The following SCAF1 variants were observed in gnomAD, a reference collection of about 807,000 sequenced individuals.
The protein encoded by SCAF1 is SR-related CTD associated factor 1.
Under a neutral mutation model 91.2 loss-of-function variants are expected in SCAF1, and 28 were observed. The observed-to-expected ratio is 0.31, with a 90% CI of 0.23 to 0.42. The LOEUF (loss-of-function observed/expected upper bound fraction) is 0.42, where lower values mean the gene tolerates loss of function less well. SCAF1 is among the 10% of genes least tolerant of loss of function. The probability of loss-of-function intolerance (pLI) is 1.00; values close to 1 mark genes in which losing one functional copy is unlikely to be tolerated. For synonymous variants in SCAF1, 1,036 were observed against 833.7 expected (o/e 1.24, Z -4.18); for missense variants, 1,893 against 1,872.1 (o/e 1.01, Z -0.21).
rs1184305062 is a variant in SCAF1, at chr19:49,652,221, G to C, written c.1832G>C (p.Arg611Pro). 1.0e-5 allele frequency: 14 copies of C among 1,343,122 alleles called. No homozygotes were observed. The highest frequency in any genetic ancestry group is 3.2e-5 in the East Asian group (1 of 31,690). The allele number at this position is 1,343,122 out of a possible 1,614,324, so 83.2% of individuals were successfully genotyped here. The change falls in exon 7 of 11, where the codon CGC becomes CCC. Residue 611 changes from arginine (R) to proline (P), a missense_variant. Coordinates refer to ENST00000360565, the MANE Select transcript of SCAF1 (RefSeq NM_021228.3). ...RSREKRRRRRRSASPPPATSS... is the reference protein window; with the variant it reads ...RSREKRRRRRPSASPPPATSS... ...CGGGAGAAGCGGCGACGGCGGCGGC[G>C]CTCCGCCTCCCCGCCCCCGGCCACT...
chr19:49,655,656 G>A (rs10415600), intron 9 of SCAF1, among the ~76,000 whole-genome samples: 56,699 of 151,936 alleles, frequency 0.37, 13,075 homozygotes, highest in African/African-American at 0.66. Context: ...GTGAGCCACC[G>A]TGCCCGGCCT....
Position 49,651,508 on chromosome 19 carries a change from C to T in SCAF1, c.1119C>T (p.Thr373=), listed in dbSNP as rs1206407666. The change falls in exon 7 of 11, where the codon ACC becomes ACT. Residue 373 remains threonine, a synonymous_variant. Transcript: ENST00000360565. The part of the protein sequence containing the change: ...REGKVSVEVV[T]AGGAALPPPL... ...GCAAGGTCTCGGTGGAGGTGGTGAC[C>T]GCTGGTGGAGCCGCCCTCCCGCCGC... 2 of 1,574,056 alleles carry T rather than the reference C, an allele frequency of 1.3e-6. No individual in the cohort carries two copies. The highest frequency in any genetic ancestry group is 2.3e-5 in the South Asian group (2 of 86,628).
rs1171439450 is a variant in SCAF1 at position 49,653,088 on chromosome 19, C to T, written c.2699C>T (p.Thr900Ile). 6.2e-7 allele frequency: 1 copy of T among 1,613,246 alleles called. No individual in the cohort carries two copies. Among genetic ancestry groups the T allele is most frequent in the Non-Finnish European group, 8.5e-7 (1 of 1,179,608 alleles). ...CCGGGCAGCACCAAGCCCAAAAAGA[C>T]CAAGGTCAAGGCCAAGGCAGGGGCC... The part of the protein sequence containing the change: ...AAPGSTKPKK[T>I]KVKAKAGAKK... Residue 900 changes from threonine to isoleucine, a missense_variant, in exon 7 of 11, where the codon ACC becomes ATC. Around this residue, in one of 5 missense-constraint regions of SCAF1, gnomAD observed 1,436 missense variants for 1,306.8 expected, o/e 1.10. Transcript: ENST00000360565.
chr19:49,650,158 C>T (rs2122475853), intron 6 of SCAF1, among the ~76,000 whole-genome samples: 1 of 152,302 alleles, frequency 6.6e-6, no homozygotes, highest in South Asian at 2.1e-4. Flanking sequence ...TGTCACTGGT[C>T]AGTGGTGTCT....
Position 49,658,394 on chromosome 19 carries a change from C to T in SCAF1, c.3934C>T (p.Leu1312Phe). The change falls in exon 11 of 11, where the codon CTC (leucine) becomes TTC (phenylalanine). Residue 1312 changes from leucine to phenylalanine, a missense_variant. Leu to Phe is a conservative substitution (Grantham distance 22). Coordinates refer to ENST00000360565, the MANE Select transcript of SCAF1 (RefSeq NM_021228.3). ...KGGPGLPLPP[L>F] ...TGGCCCGGGCCTGCCCCTGCCCCCT[C>T]TCTGAGAGCCCTGGCCAGCTCTTCG... The T allele has an allele frequency of 6.5e-7, 1 of 1,536,560 alleles. No individual in the cohort carries two copies. Among genetic ancestry groups the T allele is most frequent in the South Asian group, 1.2e-5 (1 of 84,884 alleles).
Position 49,651,537 on chromosome 19 carries a change from T to C in SCAF1, c.1148T>C (p.Leu383Pro). The change falls in exon 7 of 11, where the codon CTG becomes CCG. Residue 383 changes from leucine to proline, a missense_variant. Physicochemically the swap from Leu to Pro is moderately conservative, Grantham distance 98 (BLOSUM62 -3). Around this residue, in one of 5 missense-constraint regions of SCAF1, gnomAD observed 1,436 missense variants for 1,306.8 expected, o/e 1.10. Transcript: ENST00000360565. ...TAGGAALPPP[L>P]LPPGDSEIEE... ...GGTGGAGCCGCCCTCCCGCCGCCCC[T>C]GCTGCCGCCCGGCGACTCGGAGATC... 6.4e-7 allele frequency: 1 copy of C among 1,563,686 alleles called. No homozygotes were observed. The highest frequency in any genetic ancestry group is 1.2e-5 in the South Asian group (1 of 85,554).
In SCAF1 at chr19:49,647,864, C is replaced by T. The variant is rs900632095; in HGVS notation, c.478+1034C>T. On this transcript the variant is annotated intron_variant, in intron 6 of 10. Coordinates refer to ENST00000360565, the MANE Select transcript of SCAF1 (RefSeq NM_021228.3). Reference sequence around the variant, plus strand: ...GCCAGGATGGCCTTGATCTCTTGACCTCAAGTGATCCGCCCGCCTCAGCCT... The same window carrying T: ...GCCAGGATGGCCTTGATCTCTTGACTTCAAGTGATCCGCCCGCCTCAGCCT... Among the ~76,000 whole-genome samples the T allele has an allele frequency of 7.2e-5, 11 of 152,028 alleles. 1 individual carries two copies. Among genetic ancestry groups the T allele is most frequent in the African/African-American group, 2.7e-4 (11 of 41,376 alleles).
chr19:49,652,566 C>T lies in SCAF1; in HGVS notation c.2177C>T (p.Pro726Leu), dbSNP rs1407724159. The T allele has an allele frequency of 1.3e-6, 2 of 1,564,918 alleles. No homozygotes were observed. Among genetic ancestry groups the T allele is most frequent in the Non-Finnish European group, 1.7e-6 (2 of 1,153,684 alleles). ...CCCTCTCCTGCTCCGGCCTCCTCAC[C>T]TAAGCGGGAGGTCCTGTACGACTCC... is the stretch of plus-strand genomic sequence containing the variant. ...RGPSPAPASSPKREVLYDSEG... is the reference protein window; with the variant it reads ...RGPSPAPASSLKREVLYDSEG... Residue 726 changes from proline to leucine, a missense_variant, in exon 7 of 11, where the codon CCT (proline) becomes CTT (leucine). Transcript: ENST00000360565.
chr19:49,653,100 C>T lies in SCAF1; in HGVS notation c.2711C>T (p.Ala904Val), dbSNP rs1044032209. ...AAGCCCAAAAAGACCAAGGTCAAGG[C>T]CAAGGCAGGGGCCAAGAAAACCAAG... ...STKPKKTKVK[A>V]KAGAKKTKGT... Residue 904 changes from alanine (A) to valine (V), a missense_variant, in exon 7 of 11, where the codon GCC (alanine) becomes GTC (valine). Around this residue, in one of 5 missense-constraint regions of SCAF1, gnomAD observed 1,436 missense variants for 1,306.8 expected, o/e 1.10. Coordinates refer to ENST00000360565, the MANE Select transcript of SCAF1 (RefSeq NM_021228.3). 8.1e-6 allele frequency: 13 copies of T among 1,612,614 alleles called. No individual in the cohort carries two copies. The highest frequency in any genetic ancestry group is 2.7e-5 in the African/African-American group (2 of 74,998).
chr19:49,647,336 G>C (rs553283967), intron 6 of SCAF1, among the ~76,000 whole-genome samples: 1 of 152,210 alleles, frequency 6.6e-6, no homozygotes, highest in East Asian at 1.9e-4. Context: ...GACCAAACGC[G>C]AACGCACATC....
rs2081035450 is a variant in SCAF1, at chr19:49,642,907, A to G, written c.-7+665A>G. ...ATGTACTGAGGGTCTGGGGTCTCCAAGGTATGGGTAGTGTCTAATAATGGG... is the reference window on the plus strand; with the variant it reads ...ATGTACTGAGGGTCTGGGGTCTCCAGGGTATGGGTAGTGTCTAATAATGGG... On this transcript the variant is annotated intron_variant, in intron 1 of 10. Transcript: ENST00000360565. The surrounding 1 kb of genome is among the most constrained non-coding windows in gnomAD (Gnocchi z 4.0). Among the ~76,000 whole-genome samples the G allele has an allele frequency of 1.3e-5, 2 of 152,196 alleles. No homozygotes were observed. The highest frequency in any genetic ancestry group is 2.4e-5 in the African/African-American group (1 of 41,444).
rs747080775 is a variant in SCAF1, at chr19:49,658,203, C to A, written c.3748-5C>A. 1.2e-5 allele frequency: 19 copies of A among 1,610,402 alleles called. 1 individual carries two copies. The South Asian group carries it at 2.1e-4, about 18-fold the overall frequency. ...TGGTGACTCCAACTGTCCCCGGCCC[C>A]CCAGATCTGCCACAGCAAAAGTGGG... On this transcript the variant is annotated splice_region_variant and splice_polypyrimidine_tract_variant and intron_variant, in intron 10 of 10. Transcript: ENST00000360565.
chr19:49,652,309 CAAG>C lies in SCAF1; in HGVS notation c.1933_1935del (p.Lys645del), dbSNP rs771732334. On this transcript the variant is annotated inframe_deletion, in exon 7 of 11. Coordinates refer to ENST00000360565, the MANE Select transcript of SCAF1 (RefSeq NM_021228.3). ...GGAAACACCGGGACGGTGGCGGCAG[CAAG>C]AAGAAGAAGAAGCGGTCGCGGTCCC... 4.0e-4 allele frequency: 605 copies of C among 1,524,156 alleles called. 1 individual carries two copies. Among genetic ancestry groups the C allele is most frequent in the Admixed American group, 1.4e-3 (68 of 48,652 alleles). The allele number at this position is 1,524,156 out of a possible 1,614,324, so 94.4% of individuals were successfully genotyped here.
At position 49,646,328 on chromosome 19, in the gene SCAF1, A is replaced by G; in HGVS notation, c.261+126A>G. 1 of 912,130 alleles carries G rather than the reference A, an allele frequency of 1.1e-6. No individual in the cohort carries two copies. Among genetic ancestry groups the G allele is most frequent in the Admixed American group, 2.6e-5 (1 of 38,940 alleles). 56.5% of individuals were successfully genotyped at this position (912,130 alleles called of 1,614,324 possible). ...TGGCTCTGCGATGCTGACCAGGGGC[A>G]ATGTTGGAGAGTCTGGGGGCCTGAT... On this transcript the variant is annotated intron_variant, in intron 4 of 10. Transcript: ENST00000360565. The surrounding 1 kb of genome is among the most constrained non-coding windows in gnomAD (Gnocchi z 5.6).
rs771378793 is a variant in SCAF1 at position 49,645,388 on chromosome 19, A to G, written c.143A>G (p.Gln48Arg). ...CAGCAGGCTGTGGGAAGCTCCCTGCAGGGGGACCTGCCCAATGATAAAGGT... is the reference window on the plus strand; with the variant it reads ...CAGCAGGCTGTGGGAAGCTCCCTGCGGGGGGACCTGCCCAATGATAAAGGT... ...AIQQAVGSSLQGDLPNDKDGS... is the reference protein window; with the variant it reads ...AIQQAVGSSLRGDLPNDKDGS... The change falls in exon 3 of 11, where the codon CAG becomes CGG. Residue 48 changes from glutamine (Q) to arginine (R), a missense_variant. Coordinates refer to ENST00000360565, the MANE Select transcript of SCAF1 (RefSeq NM_021228.3). This position sits in a 1 kb window ranked among gnomAD's most constrained non-coding sequence, Gnocchi z 4.6. The G allele has an allele frequency of 1.2e-5, 19 of 1,613,834 alleles. No homozygotes were observed. In the East Asian group the frequency reaches 3.1e-4, roughly 26 times the overall value.
At chr19:49,649,872 C>T (rs1045957651) in intron 6 of SCAF1, among the ~76,000 whole-genome samples, 1 of 152,200 alleles carries the variant, frequency 6.6e-6, no homozygotes, top group African/African-American at 2.4e-5. Context: ...GATCCACTTG[C>T]CTGTGGTCAT....
intron 9 of SCAF1, among the ~76,000 whole-genome samples, chr19:49,656,849 GT>G (rs2081142490): frequency 2.0e-5 from 3 of 152,230 alleles, no homozygotes; most frequent in African/African-American, 7.2e-5. Flanking sequence ...TGCTGTCCCC[GT>G]TTTACAAATG....
chr19:49,645,521 G>T lies in SCAF1; in HGVS notation c.166+110G>T. 1 of 1,178,150 alleles carries T rather than the reference G, an allele frequency of 8.5e-7. No individual in the cohort carries two copies. The highest frequency in any genetic ancestry group is 1.4e-5 in the South Asian group (1 of 69,080). 73.0% of individuals were successfully genotyped at this position (1,178,150 alleles called of 1,614,324 possible). On this transcript the variant is annotated intron_variant, in intron 3 of 10. Coordinates refer to ENST00000360565, the MANE Select transcript of SCAF1 (RefSeq NM_021228.3). This position sits in a 1 kb window ranked among gnomAD's most constrained non-coding sequence, Gnocchi z 4.6. The stretch of plus-strand genomic sequence containing the variant: ...CCTCCTGGGTGCCACCCTTGTGCTG[G>T]CATGGGGAGCCAAAAATGGGCAGAC...
rs1490843217 is a variant in SCAF1 at position 49,658,517 on chromosome 19, AGAG to A, written c.*122_*124del. On this transcript the variant is annotated 3_prime_UTR_variant, in exon 11 of 11. Transcript: ENST00000360565. ...GACTGGGGGAGGGTTGCTGCAGGGAAGAGGAGAGCCCCCTGCCCTGCCCTGCCC... is the reference window on the plus strand; with the variant it reads ...GACTGGGGGAGGGTTGCTGCAGGGAAGAGAGCCCCCTGCCCTGCCCTGCCC... 4.6e-6 allele frequency: 3 copies of A among 654,986 alleles called. No homozygotes were observed. The highest frequency in any genetic ancestry group is 1.9e-5 in the South Asian group (1 of 53,452). The allele number at this position is 654,986 out of a possible 1,614,324, so 40.6% of individuals were successfully genotyped here.
Sources: allele counts gnomAD v4.1 joint callset (sites outside exome capture counted in the v4.1 genomes callset), GRCh38; gene constraint gnomAD v4.1.1; regional missense constraint gnomAD v4.1.1; non-coding constraint Gnocchi (gnomAD v3.1); transcripts MANE v1.5; gene names NCBI Gene and HGNC (gene_info 2026-07-23, HGNC 2026-07-21).